Variants in DCT observed in about 807,000 individuals in gnomAD.
The protein encoded by DCT is L-dopachrome tautomerase.
DCT carries 47 observed loss-of-function variants against 53.0 expected under a neutral mutation model. That is an observed-to-expected ratio of 0.89 (90% CI 0.70 to 1.13). The LOEUF (loss-of-function observed/expected upper bound fraction) is 1.13, where lower values mean the gene tolerates loss of function less well. Ranked by LOEUF, DCT falls within the 50% of genes most tolerant of loss-of-function variation. The probability of loss-of-function intolerance (pLI) is 0.00; values close to 1 mark genes in which losing one functional copy is unlikely to be tolerated. For missense variants in DCT, 669 were observed against 637.4 expected, an observed-to-expected ratio of 1.05 and a Z score of -0.53; for synonymous variants, 244 against 237.0, an observed-to-expected ratio of 1.03 and a Z score of -0.27.
the DCT span, among the ~76,000 whole-genome samples, chr13:94,499,416 C>T: frequency 6.6e-6 from 1 of 151,990 alleles, no homozygotes. Context: ...AAGATATATG[C>T]TCCCATTCCC....
At chr13:94,520,246 T>C in the DCT span, among the ~76,000 whole-genome samples, 1 of 152,248 alleles carries the variant, frequency 6.6e-6, no homozygotes. Flanking sequence ...TTCACAATCC[T>C]GCAAATGGTC....
chr13:94,448,859 G>A (rs1023841128), intron 6 of DCT, among the ~76,000 whole-genome samples: 27 of 151,734 alleles, frequency 1.8e-4, no homozygotes, highest in Non-Finnish European at 3.2e-4. Context: ...AGCCAAGAAC[G>A]CACCACTGCA....
intron 4 of DCT, chr13:94,465,418 A>C (rs556862449): frequency 2.8e-5 from 8 of 280,956 alleles, no homozygotes; most frequent in African/African-American, 2.4e-4. Flanking sequence ...ATGGCCAAGC[A>C]TAACCAATTC....
rs1882078015 is a variant in DCT at position 94,438,929 on chromosome 13, C to A, written c.*969G>T. ...GCATTATGTGGGAATAATTTTTCAT[C>A]TGAGGCTACCTAGTAAAGAAATTGG... On this transcript the variant is annotated 3_prime_UTR_variant, in exon 8 of 8. Coordinates refer to ENST00000377028, the MANE Select transcript of DCT (RefSeq NM_001922.5). The A allele has an allele frequency of 4.7e-6, 1 of 214,694 alleles. No individual in the cohort carries two copies. The allele number at this position is 214,694 out of a possible 1,614,324, so 13.3% of individuals were successfully genotyped here.
chr13:94,509,897 T>C, the DCT span, among the ~76,000 whole-genome samples: 1 of 152,106 alleles, frequency 6.6e-6, no homozygotes, highest in African/African-American at 2.4e-5. Flanking sequence ...TCAATAGCAA[T>C]TTGTTGCTAT....
At chr13:94,527,289 A>C in the DCT span, among the ~76,000 whole-genome samples, 2 of 152,190 alleles carry the variant, frequency 1.3e-5, no homozygotes, top group African/African-American at 4.8e-5. Context: ...TTCTCTCAGC[A>C]TGGTGTTCGA....
At chr13:94,511,513 C>T in the DCT span, among the ~76,000 whole-genome samples, 24 of 152,140 alleles carry the variant, frequency 1.6e-4, no homozygotes, top group South Asian at 3.1e-3. Context: ...GTGTGTGCCA[C>T]CACACCTGGC....
chr13:94,541,984 T>C, the DCT span, among the ~76,000 whole-genome samples: 1 of 152,202 alleles, frequency 6.6e-6, no homozygotes. Context: ...TAAATTTATA[T>C]AGTACCTCAA....
the DCT span, among the ~76,000 whole-genome samples, chr13:94,487,128 G>A: frequency 6.6e-6 from 1 of 152,172 alleles, no homozygotes; most frequent in Non-Finnish European, 1.5e-5. Flanking sequence ...GTTAGAAACT[G>A]AATAGCAGAA....
chr13:94,472,492 A>G (rs1884707094), intron 1 of DCT, among the ~76,000 whole-genome samples: 1 of 135,988 alleles, frequency 7.4e-6, no homozygotes. Flanking sequence ...TACATCTGGT[A>G]TACAGTGAGT....
the DCT span, among the ~76,000 whole-genome samples, chr13:94,531,442 T>G: frequency 6.6e-6 from 1 of 151,882 alleles, no homozygotes; most frequent in Non-Finnish European, 1.5e-5. Context: ...CCAAAACAGA[T>G]ATATACACCA....
At chr13:94,546,080 T>C in the DCT span, among the ~76,000 whole-genome samples, 1 of 152,186 alleles carries the variant, frequency 6.6e-6, no homozygotes, top group Non-Finnish European at 1.5e-5. This position sits in a 1 kb window ranked among gnomAD's most constrained non-coding sequence, Gnocchi z 4.2. Context: ...GAGTACTTAC[T>C]AAAAAGGGCT....
chr13:94,466,742 C>A (rs1884251787), intron 2 of DCT, 84 bp from the exon 3 acceptor site: 6 of 783,456 alleles, frequency 7.7e-6, no homozygotes, highest in South Asian at 2.3e-5. Context: ...ATCTATAGAG[C>A]CAATAAGTCC....
the DCT span, among the ~76,000 whole-genome samples, chr13:94,548,363 T>C: frequency 0.022 from 3,362 of 152,088 alleles, 136 homozygotes; most frequent in African/African-American, 0.077. Context: ...AGTTCATAAA[T>C]ATGAGTTTCC....
At chr13:94,461,863 C>T (rs1309115007) in intron 5 of DCT, 147 bp downstream of exon 5, 1 of 634,344 alleles carries the variant, frequency 1.6e-6, no homozygotes, top group African/African-American at 1.8e-5. Flanking sequence ...CACACCAATC[C>T]CTTGCTAACT....
chr13:94,473,948 G>A (rs1884912690), intron 1 of DCT, among the ~76,000 whole-genome samples: 1 of 152,146 alleles, frequency 6.6e-6, no homozygotes, highest in African/African-American at 2.4e-5. Flanking sequence ...TTGAAATGCT[G>A]GAGATGACTG....
chr13:94,443,395 G>T (rs1242253278), intron 7 of DCT, 41 bp downstream of exon 7: 8 of 1,428,122 alleles, frequency 5.6e-6, no homozygotes, highest in Admixed American at 1.7e-5. Flanking sequence ...AGCTTCTTTA[G>T]AAGATGAATG....
intron 5 of DCT, 38 bp downstream of exon 5, chr13:94,461,972 A>T: frequency 6.3e-7 from 1 of 1,576,422 alleles, no homozygotes; most frequent in South Asian, 1.1e-5. Context: ...GAAAACCTGT[A>T]CTGTACAGGC....
chr13:94,518,110 G>GAAGA, the DCT span, among the ~76,000 whole-genome samples: 11,810 of 73,654 alleles, frequency 0.16, 897 homozygotes, highest in African/African-American at 0.36. Flanking sequence ...GAAACGAAGG[G>GAAGA]AAGGAAGGAA....
Sources: gnomAD v4.1 joint callset for allele counts (sites outside exome capture counted in the v4.1 genomes callset) on GRCh38, gnomAD v4.1.1 for gene constraint, Gnocchi (gnomAD v3.1) non-coding constraint, MANE v1.5 for transcripts, NCBI Gene and HGNC (gene_info 2026-07-23, HGNC 2026-07-21) for gene names.